Variants in PTPRN2 observed in about 807,000 individuals in gnomAD.
PTPRN2 encodes the protein protein tyrosine phosphatase receptor type N2.
Under a neutral mutation model 118.8 loss-of-function variants are expected in PTPRN2, and 74 were observed. That is an observed-to-expected ratio of 0.62 (90% confidence interval 0.52 to 0.76). The LOEUF (loss-of-function observed/expected upper bound fraction) is 0.76. Ranked by LOEUF, PTPRN2 falls within the 30% of genes least tolerant of loss-of-function variation. The pLI is 0.00. For synonymous variants in PTPRN2, 641 were observed against 608.0 expected (o/e 1.05, Z -0.80); for missense variants, 1,481 against 1,394.4 (o/e 1.06, Z -0.99).
At position 157,539,271 on chromosome 7, in the gene PTPRN2, T is replaced by G. The variant is rs978192608; in HGVS notation, c.*1443A>C. On this transcript the variant is annotated 3_prime_UTR_variant, in exon 23 of 23. Transcript: ENST00000389418. The stretch of plus-strand genomic sequence containing the variant: ...AAAGCAGATATTCATTACAATACCA[T>G]GTAGAGACATAAGCAATATTTTGGC... 1 of 152,240 alleles carries G rather than the reference T, an allele frequency of 6.6e-6. No individual in the cohort carries two copies. The highest frequency in any genetic ancestry group is 2.4e-5 in the African/African-American group (1 of 41,466). 9.4% of individuals were successfully genotyped at this position (152,240 alleles called of 1,614,324 possible).
chr7:158,393,499 A>C (rs528619698), intron 2 of PTPRN2, among the ~76,000 whole-genome samples: 1 of 152,188 alleles, frequency 6.6e-6, no homozygotes, highest in Non-Finnish European at 1.5e-5. Context: ...TCTGAGCCTG[A>C]CAGGGGATGG....
chr7:157,574,275 A>G (rs1416534856), intron 19 of PTPRN2: 1 of 452,896 alleles, frequency 2.2e-6, no homozygotes, highest in Non-Finnish European at 4.9e-6. Context: ...ACCAGCAAGC[A>G]AGGTCAGAGG....
rs1477532597 is a variant in PTPRN2, at chr7:157,785,602, T to C, written c.1789-102665A>G. Among the ~76,000 whole-genome samples, 1 of 151,934 alleles carries C rather than the reference T, an allele frequency of 6.6e-6. No individual in the cohort carries two copies. The highest frequency in any genetic ancestry group is 2.4e-5 in the African/African-American group (1 of 41,342). On this transcript the variant is annotated intron_variant, in intron 12 of 22. Coordinates refer to ENST00000389418, the MANE Select transcript of PTPRN2 (RefSeq NM_002847.5). The surrounding 1 kb of genome is among the most constrained non-coding windows in gnomAD (Gnocchi z 7.3). ...ACACTGGACAGACATGGAGGGAAGC[T>C]TCTCCCAGGACCAGGGTCCCTGCTT...
rs1189366876 is a variant in PTPRN2, at chr7:157,744,810, C to A, written c.1789-61873G>T. On this transcript the variant is annotated intron_variant, in intron 12 of 22. Coordinates refer to ENST00000389418, the MANE Select transcript of PTPRN2 (RefSeq NM_002847.5). ...ACTGTCCTCATCACTCAGGCACATC[C>A]AGGCTGATGAAAAAGCAACAGAATG... 2.0e-5 allele frequency among the ~76,000 whole-genome samples: 3 copies of A among 152,148 alleles called. No individual in the cohort carries two copies. The East Asian group carries it at 5.8e-4, about 29-fold the overall frequency.
At chr7:158,326,652 G>T (rs906995376) in intron 2 of PTPRN2, among the ~76,000 whole-genome samples, 12 of 23,480 alleles carry the variant, frequency 5.1e-4, no homozygotes, top group Non-Finnish European at 1.5e-3. Flanking sequence ...TTTCACACAT[G>T]CTCACACTCT....
At chr7:158,506,593 C>T (rs936820829) in intron 1 of PTPRN2, among the ~76,000 whole-genome samples, 7 of 151,846 alleles carry the variant, frequency 4.6e-5, no homozygotes, top group Non-Finnish European at 8.8e-5. Context: ...CCTACAGGCC[C>T]GGGGTCTACA....
At chr7:158,106,246 C>T (rs1815671092) in intron 10 of PTPRN2, among the ~76,000 whole-genome samples, 1 of 152,114 alleles carries the variant, frequency 6.6e-6, no homozygotes, top group African/African-American at 2.4e-5. Flanking sequence ...GCAGCTCCCT[C>T]TAGCTTCCCC....
chr7:158,171,117 CACATATAT>C (rs1563554554), intron 5 of PTPRN2, among the ~76,000 whole-genome samples: 3 of 83,708 alleles, frequency 3.6e-5, no homozygotes, highest in African/African-American at 1.5e-4. Context: ...TATATATACA[CACATATAT>C]ACACATATAT....
intron 10 of PTPRN2, among the ~76,000 whole-genome samples, chr7:158,084,858 TTGATGCCCATCCACACCCA>T (rs1360404286): frequency 5.6e-5 from 6 of 106,292 alleles, no homozygotes; most frequent in Non-Finnish European, 5.6e-5. Context: ...ATCCACATCC[TTGATGCCCATCCACACCCA>T]TGATGCCCAT....
intron 2 of PTPRN2, among the ~76,000 whole-genome samples, chr7:158,462,050 C>T (rs530714946): frequency 1.7e-4 from 24 of 144,548 alleles, no homozygotes; most frequent in South Asian, 2.2e-4. Flanking sequence ...TCCTTCCATG[C>T]TTTCAGACCC....
At chr7:158,067,952 G>A (rs2128912617) in intron 11 of PTPRN2, among the ~76,000 whole-genome samples, 1 of 152,328 alleles carries the variant, frequency 6.6e-6, no homozygotes, top group Middle Eastern at 3.4e-3. Flanking sequence ...GGCAGACAGG[G>A]TGGGGTCTGA....
At chr7:158,071,351 G>GGTGGAGGTGCTC (rs1563390657) in intron 11 of PTPRN2, among the ~76,000 whole-genome samples, 2 of 109,092 alleles carry the variant, frequency 1.8e-5, no homozygotes, top group Non-Finnish European at 1.9e-5. Context: ...AGGTGCTCGT[G>GGTGGAGGTGCTC]GTGGTGGAGG....
chr7:158,083,738 G>A lies in PTPRN2; in HGVS notation c.1644-2361C>T, dbSNP rs150319874. On this transcript the variant is annotated intron_variant, in intron 10 of 22. Coordinates refer to ENST00000389418, the MANE Select transcript of PTPRN2 (RefSeq NM_002847.5). ...CACCCTCGGGGTACATCTCGCAGGC[G>A]GTGAGCACCCAGTGACCATCGCCGT... is the stretch of plus-strand genomic sequence containing the variant. 4.4e-3 allele frequency among the ~76,000 whole-genome samples: 663 copies of A among 152,308 alleles called. 7 individuals carry two copies. The highest frequency in any genetic ancestry group is 0.015 in the African/African-American group (639 of 41,558).
At chr7:158,131,248 C>T (rs1318212371) in intron 9 of PTPRN2, among the ~76,000 whole-genome samples, 1 of 151,904 alleles carries the variant, frequency 6.6e-6, no homozygotes. Context: ...AACACACATA[C>T]ATACACACGC....
At chr7:158,333,295 G>A (rs866078846) in intron 2 of PTPRN2, among the ~76,000 whole-genome samples, 1 of 129,988 alleles carries the variant, frequency 7.7e-6, no homozygotes, top group African/African-American at 3.1e-5. Flanking sequence ...CACCATAAGA[G>A]GTGACATCTG....
intron 17 of PTPRN2, among the ~76,000 whole-genome samples, chr7:157,586,326 C>T (rs1038865760): frequency 6.6e-6 from 1 of 152,210 alleles, no homozygotes; most frequent in Non-Finnish European, 1.5e-5. Flanking sequence ...TCCTGACTCT[C>T]CCTTCACTCC....
At position 158,136,680 on chromosome 7, in the gene PTPRN2, T is replaced by C. The variant is rs766848819; in HGVS notation, c.1148A>G (p.Asp383Gly). ...GDSFPDDGVQ[D>G]DDDRLYQEVH... ...CTCTTGGTAAAGTCTATCATCGTCG[T>C]CCTGCACTCCGTCATCTGTAAAAGA... is the stretch of plus-strand genomic sequence containing the variant. The change falls in exon 8 of 23, where the codon GAC becomes GGC. Residue 383 changes from aspartate (D) to glycine (G), a missense_variant. Coordinates refer to ENST00000389418, the MANE Select transcript of PTPRN2 (RefSeq NM_002847.5). 6.2e-7 allele frequency: 1 copy of C among 1,613,882 alleles called. No individual in the cohort carries two copies. Among genetic ancestry groups the C allele is most frequent in the Non-Finnish European group, 8.5e-7 (1 of 1,179,816 alleles).
intron 20 of PTPRN2, among the ~76,000 whole-genome samples, chr7:157,571,080 C>A (rs1799730533): frequency 6.6e-6 from 1 of 151,932 alleles, no homozygotes; most frequent in Admixed American, 6.6e-5. Flanking sequence ...CTCGTCTCTA[C>A]TAAAAATACA....
intron 12 of PTPRN2, among the ~76,000 whole-genome samples, chr7:157,878,745 C>A (rs113367822): frequency 3.4e-4 from 33 of 97,862 alleles, no homozygotes; most frequent in East Asian, 1.0e-3. Context: ...TGGGGCTGGA[C>A]GGGTCAGTGT....
Sources: allele counts gnomAD v4.1 joint callset (sites outside exome capture counted in the v4.1 genomes callset), GRCh38; gene constraint gnomAD v4.1.1; non-coding constraint Gnocchi (gnomAD v3.1); transcripts MANE v1.5; gene names NCBI Gene and HGNC (gene_info 2026-07-23, HGNC 2026-07-21).